MAGI2: variants seen among roughly 807,000 people sequenced by gnomAD.
MAGI2 encodes membrane associated guanylate kinase, WW and PDZ domain containing 2, also known as membrane-associated guanylate kinase, WW and PDZ domain-containing protein 2.
A neutral mutation model predicts 133.3 loss-of-function variants in MAGI2; 35 were observed. That is an observed-to-expected ratio of 0.26 (90% CI 0.20 to 0.35). MAGI2 has a LOEUF of 0.35. Ranked by LOEUF, MAGI2 falls within the 10% of genes least tolerant of loss-of-function variation. The pLI, the probability that MAGI2 is intolerant of heterozygous loss-of-function variation, is 1.00. For synonymous variants in MAGI2, 729 were observed against 710.6 expected, an observed-to-expected ratio of 1.03 and a Z score of -0.41; for missense variants, 1,636 against 1,863.4, an observed-to-expected ratio of 0.88 and a Z score of 2.25.
chr7:78,924,920 C>T (rs989504222), intron 2 of MAGI2, among the ~76,000 whole-genome samples: 1 of 151,768 alleles, frequency 6.6e-6, no homozygotes, highest in East Asian at 1.9e-4. Context: ...CCTACTTTTA[C>T]TTCGAGGTCA....
chr7:78,504,918 A>G (rs1221002769), intron 4 of MAGI2, among the ~76,000 whole-genome samples: 5 of 152,126 alleles, frequency 3.3e-5, no homozygotes, highest in Non-Finnish European at 7.4e-5. Context: ...CTGCAGAGAA[A>G]TGTATAGTAT....
At chr7:78,838,402 TAC>T (rs1791841861) in intron 2 of MAGI2, among the ~76,000 whole-genome samples, 1 of 152,050 alleles carries the variant, frequency 6.6e-6, no homozygotes, top group South Asian at 2.1e-4. Context: ...ATATCACTGT[TAC>T]ACCAACTGGC....
chr7:78,484,607 T>C (rs1430031517), intron 6 of MAGI2: 1 of 152,040 alleles, frequency 6.6e-6, no homozygotes, highest in East Asian at 1.9e-4. Context: ...TTTTAGCCTA[T>C]ATGGATTTGT....
chr7:79,089,170 C>T (rs565399677), intron 1 of MAGI2, among the ~76,000 whole-genome samples: 52 of 151,914 alleles, frequency 3.4e-4, no homozygotes, highest in African/African-American at 1.1e-3. Context: ...TCTCAGAAGA[C>T]GACATTTATG....
intron 1 of MAGI2, among the ~76,000 whole-genome samples, chr7:79,241,835 A>C (rs1056690536): frequency 2.0e-5 from 3 of 151,956 alleles, no homozygotes; most frequent in Non-Finnish European, 4.4e-5. Flanking sequence ...TGACTGACTG[A>C]CTCCACCTGG....
intron 1 of MAGI2, among the ~76,000 whole-genome samples, chr7:79,126,116 T>A (rs566118198): frequency 2.3e-3 from 349 of 152,366 alleles, no homozygotes; most frequent in Admixed American, 4.6e-3. Flanking sequence ...TGCAGTTGAT[T>A]GCTAAACATA....
chr7:78,029,819 A>T (rs1222875716), intron 21 of MAGI2, among the ~76,000 whole-genome samples: 2 of 152,232 alleles, frequency 1.3e-5, no homozygotes, highest in African/African-American at 4.8e-5. Flanking sequence ...GTTTTTAAGT[A>T]TTGGTAGCTG....
At chr7:78,314,754 TATG>T (rs1162371097) in intron 9 of MAGI2, among the ~76,000 whole-genome samples, 9 of 152,210 alleles carry the variant, frequency 5.9e-5, no homozygotes, top group African/African-American at 2.2e-4. Flanking sequence ...TTAAACATTA[TATG>T]TTGTTGTTAT....
At position 78,284,455 on chromosome 7, in the gene MAGI2, T is replaced by TC. The variant is rs1371261528; in HGVS notation, c.1409-27875_1409-27874insG. Among the ~76,000 whole-genome samples the TC allele has an allele frequency of 5.8e-3, 856 of 147,572 alleles. 5 individuals carry two copies. The highest frequency in any genetic ancestry group is 0.02 in the African/African-American group (806 of 39,334). On this transcript the variant is annotated intron_variant, in intron 9 of 21. Transcript: ENST00000354212. ...GAAAGGGGAGGTTTTCTTTTCTTTT[T>TC]TTTTTTTTTTAAAATAAGAATCCTT...
At chr7:79,377,368 C>G (rs995135035) in intron 1 of MAGI2, among the ~76,000 whole-genome samples, 1 of 151,738 alleles carries the variant, frequency 6.6e-6, no homozygotes, top group African/African-American at 2.4e-5. Context: ...TGATGGCCTC[C>G]CAAGGAGCCC....
chr7:79,301,674 G>A (rs1837406652), intron 1 of MAGI2, among the ~76,000 whole-genome samples: 1 of 152,322 alleles, frequency 6.6e-6, no homozygotes, highest in South Asian at 2.1e-4. Flanking sequence ...GCTATTGGGA[G>A]GGAATGATTG....
At chr7:78,801,796 G>T (rs1306524522) in intron 2 of MAGI2, among the ~76,000 whole-genome samples, 1 of 152,058 alleles carries the variant, frequency 6.6e-6, no homozygotes, top group African/African-American at 2.4e-5. Context: ...TATTATGAGT[G>T]ATCTCATTTA....
chr7:78,468,934 C>G (rs1467041392), intron 6 of MAGI2, among the ~76,000 whole-genome samples: 1 of 152,148 alleles, frequency 6.6e-6, no homozygotes, highest in Non-Finnish European at 1.5e-5. Context: ...AGAGGAATTT[C>G]AGGTACCATG....
chr7:78,332,093 A>T (rs1323970755), intron 9 of MAGI2, among the ~76,000 whole-genome samples: 2 of 152,184 alleles, frequency 1.3e-5, no homozygotes, highest in African/African-American at 2.4e-5. Context: ...TGCAGCAGAG[A>T]TGAGAACCTA....
intron 1 of MAGI2, among the ~76,000 whole-genome samples, chr7:79,011,924 CCTTTCTTTCTTT>C (rs147300397): frequency 1.6e-3 from 194 of 121,272 alleles, no homozygotes; most frequent in African/African-American, 2.5e-3. Context: ...TTCCTTCCTT[CCTTTCTTTCTTT>C]CTTTCTTTCT....
chr7:78,465,019 C>T (rs973894621), intron 6 of MAGI2, among the ~76,000 whole-genome samples: 20 of 151,944 alleles, frequency 1.3e-4, no homozygotes, highest in Non-Finnish European at 2.1e-4. Context: ...TTTCAGAATA[C>T]GAATTGAAAA....
At chr7:78,510,361 CTT>C (rs1795463571) in intron 4 of MAGI2, among the ~76,000 whole-genome samples, 1 of 152,050 alleles carries the variant, frequency 6.6e-6, no homozygotes, top group Admixed American at 6.6e-5. Flanking sequence ...TTAGATGAGA[CTT>C]ATCTATAAAG....
chr7:79,078,415 A>T (rs1170107241), intron 1 of MAGI2, among the ~76,000 whole-genome samples: 3 of 151,940 alleles, frequency 2.0e-5, no homozygotes. Flanking sequence ...CAGTTAACTG[A>T]CCCTACACTC....
At chr7:78,437,455 G>A (rs1298091875) in intron 6 of MAGI2, among the ~76,000 whole-genome samples, 1 of 152,214 alleles carries the variant, frequency 6.6e-6, no homozygotes, top group Non-Finnish European at 1.5e-5. Flanking sequence ...GCAGGGCAAA[G>A]TCTGCTTACC....
Sources: gnomAD v4.1 joint callset for allele counts (sites outside exome capture counted in the v4.1 genomes callset) on GRCh38, gnomAD v4.1.1 for gene constraint, MANE v1.5 for transcripts, NCBI Gene and HGNC (gene_info 2026-07-23, HGNC 2026-07-21) for gene names.